CHSY3: variants seen among roughly 807,000 people sequenced by gnomAD.
CHSY3 encodes N-acetylgalactosaminyl-proteoglycan 3-beta-glucuronosyltransferase 3.
In CHSY3, 35 loss-of-function variants were observed where a neutral mutation model predicts 67.2. That is an observed-to-expected ratio of 0.52 (90% CI 0.40 to 0.69). The LOEUF (loss-of-function observed/expected upper bound fraction) is 0.69. Ranked by LOEUF, CHSY3 falls within the 30% of genes least tolerant of loss-of-function variation. CHSY3 has a pLI of 0.00. For synonymous variants in CHSY3, 474 were observed against 434.7 expected (o/e 1.09, Z -1.12); for missense variants, 1,069 against 1,138.5 (o/e 0.94, Z 0.88).
intron 2 of CHSY3, among the ~76,000 whole-genome samples, chr5:129,991,303 T>G (rs1443022433): frequency 6.6e-6 from 1 of 152,120 alleles, no homozygotes; most frequent in African/African-American, 2.4e-5. Context: ...CCAGTTGGAC[T>G]TCTGGAGAAA....
chr5:130,011,308 G>A lies in CHSY3; in HGVS notation c.1086+102948G>A, dbSNP rs567981475. 2.2e-4 allele frequency among the ~76,000 whole-genome samples: 33 copies of A among 152,224 alleles called. No individual in the cohort carries two copies. The South Asian group carries it at 5.2e-3, about 24-fold the overall frequency. On this transcript the variant is annotated intron_variant, in intron 2 of 2. Coordinates refer to ENST00000305031, the MANE Select transcript of CHSY3 (RefSeq NM_175856.5). ...GTAGGTTTTATTTGTGAGATGCATG[G>A]TTAGTTGAACATATGCAAATCAATA...
chr5:130,155,819 A>C (rs1359797804), intron 2 of CHSY3, among the ~76,000 whole-genome samples: 5 of 152,208 alleles, frequency 3.3e-5, no homozygotes, highest in Admixed American at 3.3e-4. Flanking sequence ...AGTGGCATAC[A>C]TTAGTGAGAT....
intron 2 of CHSY3, among the ~76,000 whole-genome samples, chr5:129,995,148 G>C (rs191106014): frequency 3.8e-4 from 58 of 151,946 alleles, no homozygotes; most frequent in African/African-American, 1.4e-3. Context: ...ATGTGTAGAG[G>C]TCTCCCATTA....
chr5:130,088,795 A>G (rs565496587), intron 2 of CHSY3, among the ~76,000 whole-genome samples: 1 of 152,300 alleles, frequency 6.6e-6, no homozygotes, highest in East Asian at 1.9e-4. Context: ...TAGTTCAACC[A>G]TTATGGAAGT....
rs112324994 is a variant in CHSY3 at position 130,042,729 on chromosome 5, G to A, written c.1086+134369G>A. Among the ~76,000 whole-genome samples, 7 of 152,074 alleles carry A rather than the reference G, an allele frequency of 4.6e-5. 1 individual carries two copies. The highest frequency in any genetic ancestry group is 1.7e-4 in the African/African-American group (7 of 41,492). Reference sequence around the variant, plus strand: ...AGGACAGTTATTACCTACCAAAGTGGTACATTATTCTTTTTAGTTTCTCAC... The same window carrying A: ...AGGACAGTTATTACCTACCAAAGTGATACATTATTCTTTTTAGTTTCTCAC... On this transcript the variant is annotated intron_variant, in intron 2 of 2. Transcript: ENST00000305031.
At chr5:129,920,493 C>T (rs1190730521) in intron 2 of CHSY3, among the ~76,000 whole-genome samples, 1 of 152,164 alleles carries the variant, frequency 6.6e-6, no homozygotes, top group African/African-American at 2.4e-5. Flanking sequence ...ATCCACCCAC[C>T]TTGGCCTCTC....
At chr5:130,007,868 G>A (rs1428660723) in intron 2 of CHSY3, among the ~76,000 whole-genome samples, 1 of 152,114 alleles carries the variant, frequency 6.6e-6, no homozygotes, top group Admixed American at 6.5e-5. Context: ...GCCTCTCTCA[G>A]TGTCCCTGTC....
chr5:129,982,336 G>T (rs1763044608), intron 2 of CHSY3, among the ~76,000 whole-genome samples: 1 of 151,652 alleles, frequency 6.6e-6, no homozygotes, highest in Admixed American at 6.6e-5. Flanking sequence ...ACTCTAAAAT[G>T]GTTGCCTTGG....
intron 2 of CHSY3, among the ~76,000 whole-genome samples, chr5:130,040,955 T>G (rs1764990842): frequency 6.6e-6 from 1 of 152,060 alleles, no homozygotes. Flanking sequence ...GCTGTTTATT[T>G]AACAGAGGCA....
chr5:130,131,686 C>T (rs1454494656), intron 2 of CHSY3, among the ~76,000 whole-genome samples: 1 of 152,140 alleles, frequency 6.6e-6, no homozygotes, highest in African/African-American at 2.4e-5. Flanking sequence ...GTATGGTAAA[C>T]TATCACAGGT....
Position 130,149,686 on chromosome 5 carries a change from G to A in CHSY3, c.1087-34543G>A, listed in dbSNP as rs532604088. On this transcript the variant is annotated intron_variant, in intron 2 of 2. Transcript: ENST00000305031. Reference sequence around the variant, plus strand: ...ATTATGACAGATTATTATATTAAATGAGACTGAGTATCTAAAGAGTGAGAG... The same window carrying A: ...ATTATGACAGATTATTATATTAAATAAGACTGAGTATCTAAAGAGTGAGAG... Among the ~76,000 whole-genome samples, 4 of 152,294 alleles carry A rather than the reference G, an allele frequency of 2.6e-5. No individual in the cohort carries two copies. The South Asian group carries it at 8.3e-4, about 32-fold the overall frequency.
intron 2 of CHSY3, among the ~76,000 whole-genome samples, chr5:130,146,995 C>T (rs1391027650): frequency 2.0e-5 from 3 of 151,992 alleles, no homozygotes; most frequent in African/African-American, 7.2e-5. Context: ...GGTTTCACCA[C>T]GTTGGCCTGG....
chr5:129,966,023 G>T (rs910665195), intron 2 of CHSY3, among the ~76,000 whole-genome samples: 1 of 151,862 alleles, frequency 6.6e-6, no homozygotes, highest in African/African-American at 2.4e-5. Context: ...ATGCAAAGAT[G>T]TAAAGCTCCA....
At chr5:130,040,560 A>G (rs759714485) in intron 2 of CHSY3, among the ~76,000 whole-genome samples, 2 of 152,170 alleles carry the variant, frequency 1.3e-5, no homozygotes, top group Non-Finnish European at 2.9e-5. Flanking sequence ...TTAATGGCCT[A>G]TGATAAATCC....
In CHSY3 at chr5:130,178,248, TATA is replaced by T. The variant is rs1176917934; in HGVS notation, c.1087-5980_1087-5978del. On this transcript the variant is annotated intron_variant, in intron 2 of 2. Transcript: ENST00000305031. ...ATATTTATATATATATATATATATATATATATTTTTTTTTTTTTTTTTCCTGAG... is the reference window on the plus strand; with the variant it reads ...ATATTTATATATATATATATATATATTATTTTTTTTTTTTTTTTTCCTGAG... Among the ~76,000 whole-genome samples, 722 of 79,408 alleles carry T rather than the reference TATA, an allele frequency of 9.1e-3. 17 individuals carry two copies. The highest frequency in any genetic ancestry group is 0.038 in the African/African-American group (656 of 17,280). 52.1% of individuals were successfully genotyped at this position (79,408 alleles called of 152,430 possible).
At chr5:130,159,587 T>C (rs1490079505) in intron 2 of CHSY3, among the ~76,000 whole-genome samples, 1 of 152,248 alleles carries the variant, frequency 6.6e-6, no homozygotes, top group East Asian at 1.9e-4. Context: ...TTTTTCATTT[T>C]TCCAATTGAG....
chr5:130,117,177 C>T (rs1479053957), intron 2 of CHSY3, among the ~76,000 whole-genome samples: 1 of 152,090 alleles, frequency 6.6e-6, no homozygotes. Context: ...GGGAGCCCTA[C>T]GGGTGGTGCT....
intron 2 of CHSY3, among the ~76,000 whole-genome samples, chr5:130,054,439 G>T (rs918276003): frequency 6.6e-6 from 1 of 152,068 alleles, no homozygotes; most frequent in Non-Finnish European, 1.5e-5. Flanking sequence ...TTAGAATCAG[G>T]ATTCCTTGTT....
At chr5:129,987,182 C>A (rs1450963152) in intron 2 of CHSY3, among the ~76,000 whole-genome samples, 1 of 152,058 alleles carries the variant, frequency 6.6e-6, no homozygotes, top group Non-Finnish European at 1.5e-5. Flanking sequence ...TTCATTACTA[C>A]CCTAGAATTC....
Sources: gnomAD v4.1 joint callset for allele counts (sites outside exome capture counted in the v4.1 genomes callset) on GRCh38, gnomAD v4.1.1 for gene constraint, MANE v1.5 for transcripts, NCBI Gene and HGNC (gene_info 2026-07-23, HGNC 2026-07-21) for gene names.